The following MYO15B variants were observed in gnomAD, a reference collection of about 807,000 sequenced individuals.
MYO15B encodes myosin XVB.
Under a neutral mutation model 119.3 loss-of-function variants are expected in MYO15B, and 207 were observed. The ratio of observed to expected loss-of-function variants is 1.73; its 90% confidence interval spans 1.55 to 1.95. The LOEUF (loss-of-function observed/expected upper bound fraction) is 1.95. MYO15B is among the 30% of genes most tolerant of loss of function. The pLI is 0.00. For synonymous variants in MYO15B, 966 were observed against 498.9 expected (o/e 1.94, Z -12.48); for missense variants, 2,264 against 1,203.1 (o/e 1.88, Z -13.04).
chr17:75,596,253 G>T lies in MYO15B; in HGVS notation c.3298-207G>T, dbSNP rs971173437. 5.9e-5 allele frequency: 34 copies of T among 579,890 alleles called. No individual in the cohort carries two copies. The African/African-American group carries it at 6.0e-4, about 10-fold the overall frequency. 35.9% of individuals were successfully genotyped at this position (579,890 alleles called of 1,614,324 possible). On this transcript the variant is annotated intron_variant, in intron 12 of 63. Transcript: ENST00000645453. Reference sequence around the variant, plus strand: ...GCAGGAGTGCTGCAGCAGAGGGCAGGGGTGTGGGCAGCTAGAGGGACCTGT... The same window carrying T: ...GCAGGAGTGCTGCAGCAGAGGGCAGTGGTGTGGGCAGCTAGAGGGACCTGT...
intron 49 of MYO15B, 138 bp from the exon 50 acceptor site, chr17:75,620,893 C>G (rs1196376211): frequency 7.1e-6 from 5 of 701,994 alleles, no homozygotes; most frequent in African/African-American, 1.7e-5. Flanking sequence ...CCAGCAGATG[C>G]TTAATAAACA....
Position 75,614,645 on chromosome 17 carries a change from C to T in MYO15B, c.5444C>T (p.Pro1815Leu), listed in dbSNP as rs754644564. 662 of 700,842 alleles carry T rather than the reference C, an allele frequency of 9.4e-4. 2 individuals are homozygous for T. Among genetic ancestry groups the T allele is most frequent in the Non-Finnish European group, 1.3e-3 (518 of 384,238 alleles). The allele number at this position is 700,842 out of a possible 1,614,324, so 43.4% of individuals were successfully genotyped here. Reference sequence around the variant, plus strand: ...CCCTCACTGCCCCCAGGACCCCCTCCAGGTCCAGCCCCAACGCTGCCCAGC... The same window carrying T: ...CCCTCACTGCCCCCAGGACCCCCTCTAGGTCCAGCCCCAACGCTGCCCAGC... Residue 1815 changes from proline (P) to leucine (L), a missense_variant, in exon 31 of 64, where the codon CCA becomes CTA. Coordinates refer to ENST00000645453, the Ensembl canonical transcript of MYO15B.
chr17:75,612,941 G>A (rs1009530485), intron 26 of MYO15B, 33 bp from the exon 27 acceptor site: 5 of 690,456 alleles, frequency 7.2e-6, no homozygotes, highest in Non-Finnish European at 8.0e-6. Flanking sequence ...TGGGAGCCCC[G>A]CACGTCCTGT....
In MYO15B at chr17:75,591,232, AT is replaced by A. The variant is rs754580209; in HGVS notation, c.2422del (p.Cys808AlafsTer28). On this transcript the variant is annotated frameshift_variant, in exon 4 of 64. Transcript: ENST00000645453. LOFTEE classifies it high-confidence loss of function. ...TGGCTCAGAATACTGGGCAGGACCC[AT>A]GCATCCTCCTGTGGTGAGTGGTGGC... 1.3e-4 allele frequency: 92 copies of A among 702,934 alleles called. No individual in the cohort carries two copies. In the Middle Eastern group the frequency reaches 3.9e-3, roughly 30 times the overall value. 43.5% of individuals were successfully genotyped at this position (702,934 alleles called of 1,614,324 possible).
In MYO15B at chr17:75,595,189, T is replaced by G. The variant is rs1029461616; in HGVS notation, c.3297+217T>G. 1.2e-5 allele frequency: 7 copies of G among 596,380 alleles called. No individual in the cohort carries two copies. The African/African-American group carries it at 1.3e-4, about 11-fold the overall frequency. 36.9% of individuals were successfully genotyped at this position (596,380 alleles called of 1,614,324 possible). A position where few individuals can be genotyped will look rare whatever the true frequency, so the allele number is the denominator to read the frequency against. On this transcript the variant is annotated intron_variant, in intron 12 of 63. Transcript: ENST00000645453. ...AAGGAGTGGGGCTGCCTCTGAGGAT[T>G]TAGAATCTCTCAAGGACTAGGGCTG...
At chr17:75,612,426 C>T (rs903984082) in intron 25 of MYO15B, among the ~76,000 whole-genome samples, 2 of 152,156 alleles carry the variant, frequency 1.3e-5, no homozygotes, top group African/African-American at 4.8e-5. Flanking sequence ...AATCCCAGCA[C>T]TTTTGGGAGG....
exon 1 of MYO15B, among the ~76,000 whole-genome samples, chr17:75,587,895 T>C (rs1472509131): frequency 6.6e-6 from 1 of 152,248 alleles, no homozygotes; most frequent in Non-Finnish European, 1.5e-5. Flanking sequence ...CCTTCTGCAT[T>C]ATTGATGGTC....
In MYO15B at chr17:75,602,886, AC is replaced by A. The variant is rs1230456883; in HGVS notation, c.3789del (p.Thr1264ArgfsTer14). ...CCCAGTCCAGGGGAGGGCGAGGCAG[AC>A]CCACGCTGGCCTCTCGCTTCCAGCA... is the stretch of plus-strand genomic sequence containing the variant. On this transcript the variant is annotated frameshift_variant, in exon 17 of 64. Coordinates refer to ENST00000645453, the Ensembl canonical transcript of MYO15B. LOFTEE classifies it high-confidence loss of function. 1.5e-6 allele frequency: 1 copy of A among 683,856 alleles called. No homozygotes were observed. The highest frequency in any genetic ancestry group is 2.1e-5 in the Admixed American group (1 of 48,232). 42.4% of individuals were successfully genotyped at this position (683,856 alleles called of 1,614,324 possible).
chr17:75,600,770 TAG>T (rs988118156), intron 14 of MYO15B: 2 of 151,464 alleles, frequency 1.3e-5, no homozygotes, highest in African/African-American at 4.9e-5. Flanking sequence ...GTATTTTTAG[TAG>T]AGACAGGGTT....
At position 75,591,666 on chromosome 17, in the gene MYO15B, T is replaced by C. The variant is rs781239688; in HGVS notation, c.2501T>C (p.Phe834Ser). 2.4e-5 allele frequency: 17 copies of C among 702,782 alleles called. No homozygotes were observed. The African/African-American group carries it at 2.6e-4, about 11-fold the overall frequency. 43.5% of individuals were successfully genotyped at this position (702,782 alleles called of 1,614,324 possible). The change falls in exon 5 of 64, where the codon TTC (phenylalanine) becomes TCC (serine). Residue 834 changes from phenylalanine to serine, a missense_variant. Physicochemically the swap from Phe to Ser is radical, Grantham distance 155 (BLOSUM62 -2). Coordinates refer to ENST00000645453, the Ensembl canonical transcript of MYO15B. The stretch of plus-strand genomic sequence containing the variant: ...GAAGCCGCCAAAAAGATCATGCAGT[T>C]CCTAAGCAGCCTGGAGCAGGATCAG...
In MYO15B at chr17:75,601,566, A is replaced by G. The variant is rs2057287609; in HGVS notation, c.3651+3A>G. ...ATGCAGGGACTGTCACCTACCAGGT[A>G]CCTGGCCTCAGGGACAGACCAGGGT... On this transcript the variant is annotated splice_donor_region_variant and intron_variant, in intron 15 of 63. Transcript: ENST00000645453. 1.4e-6 allele frequency: 1 copy of G among 703,070 alleles called. No homozygotes were observed. Among genetic ancestry groups the G allele is most frequent in the Non-Finnish European group, 2.6e-6 (1 of 384,968 alleles). 43.6% of individuals were successfully genotyped at this position (703,070 alleles called of 1,614,324 possible). A position where few individuals can be genotyped will look rare whatever the true frequency, so the allele number is the denominator to read the frequency against.
chr17:75,596,992 GA>G, intron 14 of MYO15B, 93 bp downstream of exon 14: 1 of 613,482 alleles, frequency 1.6e-6, no homozygotes, highest in Non-Finnish European at 2.9e-6. Flanking sequence ...TCCCAGAGGG[GA>G]CAAGGTTATG....
At chr17:75,593,265 A>G (rs2056601914) in intron 9 of MYO15B, among the ~76,000 whole-genome samples, 1 of 142,734 alleles carries the variant, frequency 7.0e-6, no homozygotes, top group Admixed American at 7.2e-5. Context: ...GCACTTTGGG[A>G]GGCCGAGGTG....
At chr17:75,623,353 G>C (rs1351716137) in intron 53 of MYO15B, among the ~76,000 whole-genome samples, 1 of 152,074 alleles carries the variant, frequency 6.6e-6, no homozygotes, top group African/African-American at 2.4e-5. Flanking sequence ...AAAAGGCCGG[G>C]CACGGAGGCC....
At chr17:75,611,831 G>A in intron 24 of MYO15B, 55 bp from the exon 25 acceptor site, 1 of 699,424 alleles carries the variant, frequency 1.4e-6, no homozygotes, top group South Asian at 1.5e-5. Context: ...GGTGGTCCCA[G>A]GGCCAGGTAC....
At chr17:75,615,413 G>A (rs562331096) in intron 34 of MYO15B, 75 bp downstream of exon 34, 1 of 681,576 alleles carries the variant, frequency 1.5e-6, no homozygotes, top group East Asian at 2.7e-5. Context: ...AGGAGGGAGG[G>A]TCCTGCTAGG....
At chr17:75,625,051 G>C in intron 59 of MYO15B, 72 bp from the exon 60 acceptor site, 1 of 657,222 alleles carries the variant, frequency 1.5e-6, no homozygotes, top group East Asian at 2.7e-5. Context: ...AAGGAGGCTT[G>C]AGCCTCTAGA....
At position 75,625,111 on chromosome 17, in the gene MYO15B, C is replaced by A. The variant is rs1014687846; in HGVS notation, c.8689-12C>A. 7.3e-6 allele frequency: 5 copies of A among 683,640 alleles called. No homozygotes were observed. The highest frequency in any genetic ancestry group is 2.7e-5 in the East Asian group (1 of 36,916). The allele number at this position is 683,640 out of a possible 1,614,324, so 42.3% of individuals were successfully genotyped here. On this transcript the variant is annotated splice_polypyrimidine_tract_variant and intron_variant, in intron 59 of 63. Coordinates refer to ENST00000645453, the Ensembl canonical transcript of MYO15B. The stretch of plus-strand genomic sequence containing the variant: ...GACCACCGCTGCCCTCCTCACCGTG[C>A]TCCCCGCACAGGTGCTGTGGGACTA...
intron 13 of MYO15B, 48 bp downstream of exon 13, chr17:75,596,603 C>T (rs1354279267): frequency 2.9e-6 from 2 of 699,322 alleles, no homozygotes; most frequent in Non-Finnish European, 5.2e-6. Context: ...AGGCATTGCC[C>T]AGGCAGAGGC....
Sources: gnomAD v4.1 joint callset for allele counts (sites outside exome capture counted in the v4.1 genomes callset) on GRCh38, gnomAD v4.1.1 for gene constraint, MANE v1.5 for transcripts, NCBI Gene and HGNC (gene_info 2026-07-23, HGNC 2026-07-21) for gene names.